The following LRP8 variants were observed in gnomAD, a reference collection of about 807,000 sequenced individuals.
The protein encoded by LRP8 is low-density lipoprotein receptor-related protein 8.
Under a neutral mutation model 111.6 loss-of-function variants are expected in LRP8, and 46 were observed. That is an observed-to-expected ratio of 0.41 (90% CI 0.33 to 0.53). The LOEUF is 0.53. Among genes scored for constraint, LRP8 ranks in the 20% least tolerant of loss-of-function variants. The pLI is 0.20. For synonymous variants in LRP8, 464 were observed against 511.2 expected, an observed-to-expected ratio of 0.91 and a Z score of 1.24; for missense variants, 959 against 1,297.4, an observed-to-expected ratio of 0.74 and a Z score of 4.01.
Position 53,262,577 on chromosome 1 carries a change from A to G in LRP8, c.1656-13T>C, listed in dbSNP as rs1253159885. The G allele has an allele frequency of 6.2e-7, 1 of 1,608,030 alleles. No homozygotes were observed. The highest frequency in any genetic ancestry group is 1.3e-5 in the African/African-American group (1 of 74,908). ...CCAATACATGAACCTAAAAGACAAA[A>G]TAACCCAATTTGCCTTCTTGCTGGG... On this transcript the variant is annotated splice_polypyrimidine_tract_variant and intron_variant, in intron 10 of 18. Coordinates refer to ENST00000306052, the MANE Select transcript of LRP8 (RefSeq NM_004631.5). The surrounding 1 kb of genome is among the most constrained non-coding windows in gnomAD (Gnocchi z 4.8).
At chr1:53,319,706 T>G (rs1654252718) in intron 2 of LRP8, among the ~76,000 whole-genome samples, 1 of 152,210 alleles carries the variant, frequency 6.6e-6, no homozygotes, top group South Asian at 2.1e-4. Context: ...TACTGGAGTC[T>G]ATGACATATG....
At chr1:53,300,967 G>C (rs1385398612) in intron 2 of LRP8, among the ~76,000 whole-genome samples, 1 of 152,236 alleles carries the variant, frequency 6.6e-6, no homozygotes, top group Non-Finnish European at 1.5e-5. Flanking sequence ...TCAAAGGCCT[G>C]CCTGGGTTAC....
chr1:53,271,451 C>G, intron 6 of LRP8, 105 bp from the exon 7 acceptor site: 1 of 1,302,560 alleles, frequency 7.7e-7, no homozygotes, highest in Non-Finnish European at 1.1e-6. Context: ...CAGTGGGACT[C>G]CCATAGAGGC....
chr1:53,287,588 G>A (rs1046614588), intron 3 of LRP8, among the ~76,000 whole-genome samples: 7 of 152,186 alleles, frequency 4.6e-5, no homozygotes, highest in East Asian at 1.9e-4. Flanking sequence ...TCCCATAGAC[G>A]CCTTATGAAA....
At chr1:53,263,105 G>A (rs1646404842) in intron 10 of LRP8, among the ~76,000 whole-genome samples, 1 of 152,220 alleles carries the variant, frequency 6.6e-6, no homozygotes, top group Non-Finnish European at 1.5e-5. Flanking sequence ...CTGGGACCCT[G>A]ACGATCCGCA....
chr1:53,319,672 C>G (rs1229558277), intron 2 of LRP8, among the ~76,000 whole-genome samples: 2 of 152,230 alleles, frequency 1.3e-5, no homozygotes, highest in Non-Finnish European at 2.9e-5. Context: ...AGCCCCTCCC[C>G]TGCCACTCCG....
intron 2 of LRP8, among the ~76,000 whole-genome samples, chr1:53,298,143 G>A (rs1452155778): frequency 1.3e-5 from 2 of 152,164 alleles, no homozygotes; most frequent in Admixed American, 6.5e-5. Context: ...ACCTCCTCCA[G>A]GCCCCAGTAC....
At position 53,275,904 on chromosome 1, in the gene LRP8, A is replaced by C; in HGVS notation, c.884-151T>G. Reference sequence around the variant, plus strand: ...TCCTCAAAGGACACCTGGCCAAGGCACCTCAGTGTACAGATGGGGAGACTG... The same window carrying C: ...TCCTCAAAGGACACCTGGCCAAGGCCCCTCAGTGTACAGATGGGGAGACTG... On this transcript the variant is annotated intron_variant, in intron 5 of 18. Coordinates refer to ENST00000306052, the MANE Select transcript of LRP8 (RefSeq NM_004631.5). The surrounding 1 kb of genome is among the most constrained non-coding windows in gnomAD (Gnocchi z 4.4). The C allele has an allele frequency of 1.1e-6, 1 of 915,580 alleles. No homozygotes were observed. The highest frequency in any genetic ancestry group is 1.6e-6 in the Non-Finnish European group (1 of 613,480). 56.7% of individuals were successfully genotyped at this position (915,580 alleles called of 1,614,324 possible).
intron 1 of LRP8, 93 bp downstream of exon 1, chr1:53,327,696 G>A (rs1655343279): frequency 2.3e-6 from 3 of 1,319,470 alleles, no homozygotes; most frequent in South Asian, 1.7e-5. Context: ...CGATAGCCCC[G>A]GGTTCTGGAC....
At chr1:53,316,111 A>G (rs1185402424) in intron 2 of LRP8, among the ~76,000 whole-genome samples, 5 of 152,214 alleles carry the variant, frequency 3.3e-5, no homozygotes, top group African/African-American at 1.2e-4. Context: ...GGTTTCTGCT[A>G]CTTTACATAG....
chr1:53,280,846 G>T, intron 3 of LRP8, 131 bp from the exon 4 acceptor site: 1 of 1,142,056 alleles, frequency 8.8e-7, no homozygotes, highest in Non-Finnish European at 1.2e-6. Flanking sequence ...TCTGGCCCAT[G>T]TCTCAGTTTC....
chr1:53,322,830 T>C (rs375733142), intron 2 of LRP8, among the ~76,000 whole-genome samples: 64 of 152,256 alleles, frequency 4.2e-4, no homozygotes, highest in African/African-American at 1.5e-3. Context: ...GGCCGAGCTT[T>C]AATTATTTAT....
In LRP8 at chr1:53,250,977, T is replaced by C. The variant is rs1645877430; in HGVS notation, c.2504-115A>G. ...ACTACCCTTTGCTCCTCAGGCTCTGTTTCTGCATGTTCTTTTACTGCTGTT... is the reference window on the plus strand; with the variant it reads ...ACTACCCTTTGCTCCTCAGGCTCTGCTTCTGCATGTTCTTTTACTGCTGTT... On this transcript the variant is annotated intron_variant, in intron 16 of 18. Transcript: ENST00000306052. The surrounding 1 kb of genome is among the most constrained non-coding windows in gnomAD (Gnocchi z 4.6). 1.2e-6 allele frequency: 1 copy of C among 800,506 alleles called. No individual in the cohort carries two copies. 49.6% of individuals were successfully genotyped at this position (800,506 alleles called of 1,614,324 possible).
chr1:53,267,312 T>A (rs1238449379), intron 8 of LRP8: 11 of 148,610 alleles, frequency 7.4e-5, no homozygotes, highest in South Asian at 2.1e-4. Flanking sequence ...AAAATAAAAA[T>A]AAAAAAAAAA....
chr1:53,302,237 A>C (rs1469531642), intron 2 of LRP8, among the ~76,000 whole-genome samples: 2 of 152,194 alleles, frequency 1.3e-5, no homozygotes, highest in Admixed American at 1.3e-4. Flanking sequence ...CAGATGGAGA[A>C]GGCTGCTTCT....
chr1:53,276,595 G>T, intron 5 of LRP8, 97 bp downstream of exon 5: 1 of 984,404 alleles, frequency 1.0e-6, no homozygotes, highest in Non-Finnish European at 1.4e-6. Context: ...AATGTATTCA[G>T]GTAAGGCAAT....
At chr1:53,276,491 G>A (rs1431510261) in intron 5 of LRP8, among the ~76,000 whole-genome samples, 2 of 152,168 alleles carry the variant, frequency 1.3e-5, no homozygotes, top group Admixed American at 6.5e-5. Context: ...GGCTTCTGGA[G>A]TTAGACCTGA....
At chr1:53,327,572 A>G (rs1333428911) in intron 1 of LRP8, among the ~76,000 whole-genome samples, 2 of 151,980 alleles carry the variant, frequency 1.3e-5, no homozygotes, top group Admixed American at 6.5e-5. Context: ...CCCCTCCCCC[A>G]AGATCCGCTG....
intron 2 of LRP8, among the ~76,000 whole-genome samples, chr1:53,308,785 G>C (rs547877727): frequency 6.6e-6 from 1 of 152,156 alleles, no homozygotes; most frequent in Non-Finnish European, 1.5e-5. Flanking sequence ...AATTCCAAAG[G>C]AGCTCTCACA....
Sources: allele counts gnomAD v4.1 joint callset (sites outside exome capture counted in the v4.1 genomes callset), GRCh38; gene constraint gnomAD v4.1.1; non-coding constraint Gnocchi (gnomAD v3.1); transcripts MANE v1.5; gene names NCBI Gene and HGNC (gene_info 2026-07-23, HGNC 2026-07-21).